MYO5B: variants seen among roughly 807,000 people sequenced by gnomAD.
The protein encoded by MYO5B is myosin VB.
MYO5B carries 143 observed loss-of-function variants against 229.3 expected under a neutral mutation model. The observed-to-expected ratio is 0.62, with a 90% CI of 0.54 to 0.72. MYO5B has a LOEUF of 0.72. Ranked by LOEUF, MYO5B falls within the 30% of genes least tolerant of loss-of-function variation. MYO5B has a pLI of 0.00. For missense variants in MYO5B, 2,321 were observed against 2,331.0 expected (o/e 1.00, Z 0.09); for synonymous variants, 918 against 885.2 (o/e 1.04, Z -0.66).
Position 50,122,633 on chromosome 18 carries a change from GGGAGAGA to G in MYO5B, c.28-67262_28-67256del, listed in dbSNP as rs1451853257. On this transcript the variant is annotated intron_variant, in intron 1 of 39. Coordinates refer to ENST00000285039, the MANE Select transcript of MYO5B (RefSeq NM_001080467.3). ...AAGAGAGGGAGGGAGGGAAGGGGGG[GGGAGAGA>G]GAGAGAGAGAGAGAGAGAGAGAGAG... Among the ~76,000 whole-genome samples, 22 of 53,792 alleles carry G rather than the reference GGGAGAGA, an allele frequency of 4.1e-4. 2 individuals are homozygous for G. Among genetic ancestry groups the G allele is most frequent in the African/African-American group, 1.6e-3 (21 of 13,126 alleles). 35.3% of individuals were successfully genotyped at this position (53,792 alleles called of 152,430 possible).
At chr18:50,177,228 AG>A (rs953332674) in intron 1 of MYO5B, among the ~76,000 whole-genome samples, 3 of 152,198 alleles carry the variant, frequency 2.0e-5, no homozygotes, top group African/African-American at 7.2e-5. Context: ...TGACAAAAAA[AG>A]GTACAGCTCC....
intron 14 of MYO5B, among the ~76,000 whole-genome samples, chr18:49,946,068 G>A (rs2025369210): frequency 1.3e-5 from 2 of 151,996 alleles, no homozygotes; most frequent in Non-Finnish European, 2.9e-5. Context: ...CTATTGGGTA[G>A]TGGGGAGGGG....
At chr18:50,120,183 C>T (rs2032034731) in intron 1 of MYO5B, among the ~76,000 whole-genome samples, 1 of 152,164 alleles carries the variant, frequency 6.6e-6, no homozygotes, top group Admixed American at 6.5e-5. Context: ...ATTTTAATGC[C>T]TTTTGGGGGC....
rs12969222 is a variant in MYO5B, at chr18:50,001,447, T to G, written c.456-36A>C. The G allele has an allele frequency of 0.23, 372,061 of 1,612,248 alleles. 46,392 individuals carry two copies. Among genetic ancestry groups the G allele is most frequent in the Non-Finnish European group, 0.26 (307,239 of 1,178,774 alleles). On this transcript the variant is annotated intron_variant, in intron 4 of 39. Coordinates refer to ENST00000285039, the MANE Select transcript of MYO5B (RefSeq NM_001080467.3). ...AAAAGCTCTGATAAGTCATTGGCCA[T>G]GGAAAGGCTCTGCTACCGTCCAGGG...
chr18:49,923,006 A>G lies in MYO5B; in HGVS notation c.2090+6506T>C, dbSNP rs1397128597. 3.3e-5 allele frequency among the ~76,000 whole-genome samples: 5 copies of G among 152,214 alleles called. No individual in the cohort carries two copies. In the East Asian group the frequency reaches 9.6e-4, roughly 29 times the overall value. ...GGGGAAATGCATTCTTTTAGCTGCT[A>G]AAAATGAGGTTGCCTGGATGAGGCA... On this transcript the variant is annotated intron_variant, in intron 17 of 39. Coordinates refer to ENST00000285039, the MANE Select transcript of MYO5B (RefSeq NM_001080467.3).
At position 49,877,794 on chromosome 18, in the gene MYO5B, C is replaced by A. The variant is rs751447384; in HGVS notation, c.3365G>T (p.Gly1122Val). The change falls in exon 25 of 40, where the codon GGA (glycine) becomes GTA (valine). Residue 1122 changes from glycine (G) to valine (V), a missense_variant. Gly to Val is a moderately radical substitution (Grantham distance 109, BLOSUM62 -3). Around this residue, in one of 2 missense-constraint regions of MYO5B, gnomAD observed 2,113 missense variants for 2,044.7 expected, o/e 1.03. Coordinates refer to ENST00000285039, the MANE Select transcript of MYO5B (RefSeq NM_001080467.3). ...CTGCTGGAGGGCATCCTCAGTGTCT[C>A]CGATCTCAGATGTGGAGATGGAGGG... is the stretch of plus-strand genomic sequence containing the variant. ...NYPSISTSEI[G>V]DTEDALQQVE... 6.2e-7 allele frequency: 1 copy of A among 1,614,136 alleles called. No individual in the cohort carries two copies. The highest frequency in any genetic ancestry group is 8.5e-7 in the Non-Finnish European group (1 of 1,179,984).
intron 22 of MYO5B, among the ~76,000 whole-genome samples, chr18:49,884,850 A>G (rs1475891640): frequency 6.6e-6 from 1 of 152,204 alleles, no homozygotes; most frequent in African/African-American, 2.4e-5. Context: ...ACATTTCTCC[A>G]AAGAAGATAT....
At chr18:49,913,404 T>G (rs1449533356) in intron 17 of MYO5B, among the ~76,000 whole-genome samples, 1 of 152,226 alleles carries the variant, frequency 6.6e-6, no homozygotes, top group Non-Finnish European at 1.5e-5. Context: ...CATATAGTCA[T>G]GTAGTGACTC....
intron 1 of MYO5B, among the ~76,000 whole-genome samples, chr18:50,089,575 C>CAAAA (rs570849955): frequency 0.018 from 2,231 of 123,872 alleles, 62 homozygotes; most frequent in African/African-American, 0.06. Flanking sequence ...TCATCTCTAC[C>CAAAA]AAAAAAAAAA....
intron 24 of MYO5B, 110 bp downstream of exon 24, chr18:49,878,835 C>T: frequency 7.6e-7 from 1 of 1,313,502 alleles, no homozygotes; most frequent in Non-Finnish European, 1.1e-6. Flanking sequence ...GCACATATGA[C>T]ACATGGACTG....
At chr18:49,917,252 T>C (rs773695154) in intron 17 of MYO5B, among the ~76,000 whole-genome samples, 3 of 152,234 alleles carry the variant, frequency 2.0e-5, no homozygotes, top group Non-Finnish European at 4.4e-5. Context: ...GGTGTCCTTA[T>C]ACTCAGTTGC....
rs564403865 is a variant in MYO5B, at chr18:49,941,300, T to C, written c.1753-3903A>G. Among the ~76,000 whole-genome samples the C allele has an allele frequency of 2.6e-5, 4 of 152,294 alleles. No individual in the cohort carries two copies. In the East Asian group the frequency reaches 5.8e-4, roughly 22 times the overall value. On this transcript the variant is annotated intron_variant, in intron 14 of 39. Transcript: ENST00000285039. ...TCAGTCTAAAAGCACCAACCAATGA[T>C]CTTAAGGCCATCTCTGGTGAGCAGC... is the stretch of plus-strand genomic sequence containing the variant.
At position 50,041,202 on chromosome 18, in the gene MYO5B, G is replaced by A. The variant is rs926178518; in HGVS notation, c.139-888C>T. Among the ~76,000 whole-genome samples, 3 of 152,134 alleles carry A rather than the reference G, an allele frequency of 2.0e-5. No individual in the cohort carries two copies. In the South Asian group the frequency reaches 6.2e-4, roughly 32 times the overall value. Reference sequence around the variant, plus strand: ...CCTACTTATCAGGAATTCTGAGGCAGGATTCAGGCAACTGAAATTTAAAAT... The same window carrying A: ...CCTACTTATCAGGAATTCTGAGGCAAGATTCAGGCAACTGAAATTTAAAAT... On this transcript the variant is annotated intron_variant, in intron 2 of 39. Transcript: ENST00000285039.
chr18:50,045,442 G>A (rs1337243213), intron 2 of MYO5B, among the ~76,000 whole-genome samples: 1 of 152,180 alleles, frequency 6.6e-6, no homozygotes, highest in African/African-American at 2.4e-5. Context: ...TGCCCAGCCT[G>A]GAGTGCAATG....
intron 2 of MYO5B, among the ~76,000 whole-genome samples, chr18:50,051,763 T>A (rs2030399574): frequency 6.6e-6 from 1 of 152,232 alleles, no homozygotes; most frequent in Non-Finnish European, 1.5e-5. Context: ...CCAGGTGAAA[T>A]AAGCCAGACA....
At position 50,113,253 on chromosome 18, in the gene MYO5B, T is replaced by C. The variant is rs74807132; in HGVS notation, c.28-57875A>G. On this transcript the variant is annotated intron_variant, in intron 1 of 39. Transcript: ENST00000285039. Reference sequence around the variant, plus strand: ...AACAAAAAAGACAAAAAGGCTTCCCTGCCCTCAGGAAGCTTCGCATCCTAA... The same window carrying C: ...AACAAAAAAGACAAAAAGGCTTCCCCGCCCTCAGGAAGCTTCGCATCCTAA... Among the ~76,000 whole-genome samples, 511 of 152,316 alleles carry C rather than the reference T, an allele frequency of 3.4e-3. 5 individuals carry two copies. The highest frequency in any genetic ancestry group is 0.012 in the African/African-American group (486 of 41,578).
At chr18:50,039,901 C>T (rs987776034) in intron 3 of MYO5B, among the ~76,000 whole-genome samples, 3 of 152,150 alleles carry the variant, frequency 2.0e-5, no homozygotes, top group Non-Finnish European at 4.4e-5. Flanking sequence ...CTAAGCCAGT[C>T]GCACCACATG....
chr18:50,006,959 C>A (rs1476843441), intron 4 of MYO5B, among the ~76,000 whole-genome samples: 1 of 152,218 alleles, frequency 6.6e-6, no homozygotes. Context: ...CTACTCAAAG[C>A]ATCTCAGAGA....
chr18:49,902,552 C>T (rs766019676), intron 21 of MYO5B, 42 bp downstream of exon 21: 4 of 1,603,990 alleles, frequency 2.5e-6, no homozygotes, highest in Non-Finnish European at 3.4e-6. Context: ...TGCTCCAGTA[C>T]CCAAGCCCCC....
Sources: allele counts gnomAD v4.1 joint callset (sites outside exome capture counted in the v4.1 genomes callset), GRCh38; gene constraint gnomAD v4.1.1; regional missense constraint gnomAD v4.1.1; transcripts MANE v1.5; gene names NCBI Gene and HGNC (gene_info 2026-07-23, HGNC 2026-07-21).